The following SLX4IP variants were observed in gnomAD, a reference collection of about 807,000 sequenced individuals.
SLX4IP encodes SLX4 interacting protein, also known as protein SLX4IP.
A neutral mutation model predicts 32.9 loss-of-function variants in SLX4IP; 34 were observed. That is an observed-to-expected ratio of 1.03 (90% CI 0.79 to 1.38). The LOEUF is 1.38. Among genes scored for constraint, SLX4IP ranks in the 40% most tolerant of loss-of-function variants. The probability of loss-of-function intolerance (pLI) is 0.00; values close to 1 mark genes in which losing one functional copy is unlikely to be tolerated. For synonymous variants in SLX4IP, 172 were observed against 171.7 expected (o/e 1.00, Z -0.01); for missense variants, 444 against 479.0 (o/e 0.93, Z 0.68).
intron 2 of SLX4IP, among the ~76,000 whole-genome samples, chr20:10,520,185 G>C (rs920094728): frequency 6.6e-6 from 1 of 152,048 alleles, no homozygotes; most frequent in Non-Finnish European, 1.5e-5. Context: ...TGAGTAGCTG[G>C]GACTACAGGC....
rs576133690 is a variant in SLX4IP at position 10,560,772 on chromosome 20, A to G, written c.190A>G (p.Arg64Gly). 9.9e-6 allele frequency: 16 copies of G among 1,608,890 alleles called. 1 individual carries two copies. In the South Asian group the frequency reaches 1.4e-4, roughly 14 times the overall value. ...QEYLEVRKQH[R>G]PSNAEFTRSN... ...GTACTTGGAAGTTCGCAAACAGCAC[A>G]GGCCATCAAATGCAGAATTCACAAG... The change falls in exon 4 of 8, where the codon AGG becomes GGG. Residue 64 changes from arginine (R) to glycine (G), a missense_variant. Transcript: ENST00000334534.
rs1246648845 is a variant in SLX4IP, at chr20:10,454,786, T to C, written c.-29-3390T>C. Reference sequence around the variant, plus strand: ...TATCCTTAGGAATGGAAATGCTGGGTCATGTGGCAACTCTTTAAATTTTGA... The same window carrying C: ...TATCCTTAGGAATGGAAATGCTGGGCCATGTGGCAACTCTTTAAATTTTGA... On this transcript the variant is annotated intron_variant, in intron 1 of 7. Transcript: ENST00000334534. 4.6e-5 allele frequency among the ~76,000 whole-genome samples: 7 copies of C among 152,292 alleles called. No individual in the cohort carries two copies. The East Asian group carries it at 1.4e-3, about 29-fold the overall frequency.
At chr20:10,617,015 G>T (rs759076148) in intron 6 of SLX4IP, among the ~76,000 whole-genome samples, 67 of 152,176 alleles carry the variant, frequency 4.4e-4, no homozygotes, top group Admixed American at 2.8e-3. Context: ...CAATAATTCT[G>T]CTGGGTATCA....
At chr20:10,533,283 C>G (rs1178767864) in intron 2 of SLX4IP, among the ~76,000 whole-genome samples, 2 of 152,086 alleles carry the variant, frequency 1.3e-5, no homozygotes, top group Non-Finnish European at 2.9e-5. Flanking sequence ...ATGGTCTGAT[C>G]ATCTTATATG....
At chr20:10,506,621 A>C (rs2065762103) in intron 2 of SLX4IP, among the ~76,000 whole-genome samples, 1 of 152,224 alleles carries the variant, frequency 6.6e-6, no homozygotes, top group South Asian at 2.1e-4. Context: ...TACCAAGGGC[A>C]CTGTTGAGAC....
intron 1 of SLX4IP, among the ~76,000 whole-genome samples, chr20:10,446,702 A>T: frequency 1.3e-5 from 2 of 151,502 alleles, no homozygotes; most frequent in South Asian, 2.1e-4. Flanking sequence ...TTTATTTTAC[A>T]TTTTCCCATG....
intron 2 of SLX4IP, among the ~76,000 whole-genome samples, chr20:10,524,943 A>G (rs1000426505): frequency 6.6e-6 from 1 of 152,138 alleles, no homozygotes; most frequent in African/African-American, 2.4e-5. Flanking sequence ...TGCTAAGGTT[A>G]CGTAACAGCC....
intron 2 of SLX4IP, among the ~76,000 whole-genome samples, chr20:10,494,892 T>G (rs1213351642): frequency 2.0e-5 from 3 of 152,124 alleles, no homozygotes; most frequent in Admixed American, 6.6e-5. Context: ...AAAGTTTCAG[T>G]TAGGAGAAAT....
At position 10,459,766 on chromosome 20, in the gene SLX4IP, G is replaced by A. The variant is rs78441764; in HGVS notation, c.27+1535G>A. 5.5e-3 allele frequency among the ~76,000 whole-genome samples: 845 copies of A among 152,264 alleles called. 5 individuals are homozygous for A. The highest frequency in any genetic ancestry group is 7.9e-3 in the Non-Finnish European group (540 of 68,014). On this transcript the variant is annotated intron_variant, in intron 2 of 7. Coordinates refer to ENST00000334534, the MANE Select transcript of SLX4IP (RefSeq NM_001009608.3). ...GATGGCTGGGGTTGAGACCTTCTCA[G>A]GTGTGGATAGATGGGAGGCTCCTGT...
At chr20:10,499,004 C>T (rs550493603) in intron 2 of SLX4IP, among the ~76,000 whole-genome samples, 1 of 152,168 alleles carries the variant, frequency 6.6e-6, no homozygotes, top group Admixed American at 6.5e-5. Flanking sequence ...TTTACATATG[C>T]TTTGGATGTT....
At chr20:10,515,079 C>CTTTTTTTTTTTTTT (rs35576843) in intron 2 of SLX4IP, among the ~76,000 whole-genome samples, 1 of 82,890 alleles carries the variant, frequency 1.2e-5, no homozygotes, top group Non-Finnish European at 2.2e-5. Flanking sequence ...TAAGTTGAAG[C>CTTTTTTTTTTTTTT]TTTTTTTTTT....
intron 2 of SLX4IP, among the ~76,000 whole-genome samples, chr20:10,512,443 C>G (rs2065814858): frequency 6.6e-6 from 1 of 151,022 alleles, no homozygotes; most frequent in South Asian, 2.1e-4. Flanking sequence ...ATGGGTTTTG[C>G]TCTGTCAACC....
intron 7 of SLX4IP, 136 bp downstream of exon 7, chr20:10,621,550 C>G (rs997687710): frequency 7.0e-6 from 5 of 712,818 alleles, no homozygotes; most frequent in Non-Finnish European, 1.2e-5. Context: ...CTCTCCCCTC[C>G]CTCCTGACTC....
At chr20:10,564,995 C>T (rs997115748) in intron 4 of SLX4IP, among the ~76,000 whole-genome samples, 2 of 152,144 alleles carry the variant, frequency 1.3e-5, no homozygotes, top group South Asian at 2.1e-4. Context: ...ACTGACAGAA[C>T]TGCATATTTA....
chr20:10,543,405 C>T (rs908868791), intron 2 of SLX4IP, among the ~76,000 whole-genome samples: 3 of 152,114 alleles, frequency 2.0e-5, no homozygotes, highest in Non-Finnish European at 2.9e-5. Context: ...CCTCTGGAGG[C>T]GAGAGGGAGG....
intron 2 of SLX4IP, among the ~76,000 whole-genome samples, chr20:10,480,210 C>T (rs670129): frequency 0.39 from 58,409 of 151,026 alleles, 11,454 homozygotes; most frequent in Non-Finnish European, 0.43. Flanking sequence ...CTGGGCAACA[C>T]GGTGAAATCC....
chr20:10,470,234 T>C (rs2065413574), intron 2 of SLX4IP, among the ~76,000 whole-genome samples: 1 of 152,174 alleles, frequency 6.6e-6, no homozygotes, highest in Non-Finnish European at 1.5e-5. Context: ...TTATTATTAC[T>C]CTTAGTTTGG....
In SLX4IP at chr20:10,622,784, C is replaced by T; in HGVS notation, c.632C>T (p.Ser211Phe). The part of the protein sequence containing the change: ...IARRRNDGQA[S>F]SSPPSESMGQ... ...AGGAGGAGGAATGATGGTCAGGCTT[C>T]CTCCAGTCCCCCATCAGAATCCATG... The change falls in exon 8 of 8, where the codon TCC becomes TTC. Residue 211 changes from serine (S) to phenylalanine (F), a missense_variant. By Grantham distance (155) the Ser-to-Phe change is radical (BLOSUM62 -2). Transcript: ENST00000334534. The T allele has an allele frequency of 1.2e-6, 2 of 1,614,172 alleles. No homozygotes were observed. Among genetic ancestry groups the T allele is most frequent in the East Asian group, 4.5e-5 (2 of 44,882 alleles).
rs544281447 is a variant in SLX4IP, at chr20:10,563,184, T to C, written c.238+2364T>C. ...TAATAACGTTAAGCAATGTTTCATA[T>C]ACTTGTTGGCCATGGGTATGTCTTC... On this transcript the variant is annotated intron_variant, in intron 4 of 7. Coordinates refer to ENST00000334534, the MANE Select transcript of SLX4IP (RefSeq NM_001009608.3). Among the ~76,000 whole-genome samples the C allele has an allele frequency of 2.0e-5, 3 of 152,380 alleles. No individual in the cohort carries two copies. In the East Asian group the frequency reaches 5.8e-4, roughly 29 times the overall value.
Sources: allele counts gnomAD v4.1 joint callset (sites outside exome capture counted in the v4.1 genomes callset), GRCh38; gene constraint gnomAD v4.1.1; transcripts MANE v1.5; gene names NCBI Gene and HGNC (gene_info 2026-07-23, HGNC 2026-07-21).